PTK2B: variants seen among roughly 807,000 people sequenced by gnomAD.
The protein encoded by PTK2B is protein tyrosine kinase 2 beta, also known as protein-tyrosine kinase 2-beta.
In PTK2B, 71 loss-of-function variants were observed where a neutral mutation model predicts 142.9. The observed-to-expected ratio is 0.50, with a 90% confidence interval of 0.41 to 0.61. The LOEUF is 0.61. PTK2B is among the 20% of genes least tolerant of loss of function. PTK2B has a pLI of 0.00. For missense variants in PTK2B, 1,105 were observed against 1,320.4 expected (o/e 0.84, Z 2.53); for synonymous variants, 519 against 503.4 (o/e 1.03, Z -0.42).
At chr8:27,446,875 A>AT (rs563802539) in intron 24 of PTK2B, among the ~76,000 whole-genome samples, 169 of 152,316 alleles carry the variant, frequency 1.1e-3, no homozygotes, top group Non-Finnish European at 2.0e-3. Context: ...AGACACTAAG[A>AT]TTTTTTGTGA....
At position 27,443,125 on chromosome 8, in the gene PTK2B, C is replaced by T. The variant is rs1317051004; in HGVS notation, c.2148+142C>T. ...TTCACCCAGCATCCACCATCACTGT[C>T]AGCGTGTCACATCAGTGCCCTGGCA... On this transcript the variant is annotated intron_variant, in intron 22 of 30. Coordinates refer to ENST00000346049, the MANE Select transcript of PTK2B (RefSeq NM_173176.3). 5 of 615,288 alleles carry T rather than the reference C, an allele frequency of 8.1e-6. No individual in the cohort carries two copies. In the Admixed American group the frequency reaches 1.1e-4, roughly 14 times the overall value. 38.1% of individuals were successfully genotyped at this position (615,288 alleles called of 1,614,324 possible). A position where few individuals can be genotyped will look rare whatever the true frequency, so the allele number is the denominator to read the frequency against.
chr8:27,458,610 G>A lies in PTK2B; in HGVS notation c.*101G>A. 1.6e-6 allele frequency: 2 copies of A among 1,264,440 alleles called. No individual in the cohort carries two copies. The highest frequency in any genetic ancestry group is 1.1e-6 in the Non-Finnish European group (1 of 913,574). 78.3% of individuals were successfully genotyped at this position (1,264,440 alleles called of 1,614,324 possible). A position where few individuals can be genotyped will look rare whatever the true frequency, so the allele number is the denominator to read the frequency against. ...GTGGGTCTTCCAGGGGGAAGGCCAA[G>A]GGGAGTCACCTTCCCTTGCCACTTT... On this transcript the variant is annotated 3_prime_UTR_variant, in exon 31 of 31. Transcript: ENST00000346049.
Position 27,390,912 on chromosome 8 carries a change from A to T in PTK2B, c.-37-6636A>T, listed in dbSNP as rs558410535. On this transcript the variant is annotated intron_variant, in intron 1 of 30. Coordinates refer to ENST00000346049, the MANE Select transcript of PTK2B (RefSeq NM_173176.3). ...TCCATGGCAGAGACTCAAGGCTGCC[A>T]TGTTGTCACACTCACGTAATGGCCC... Among the ~76,000 whole-genome samples the T allele has an allele frequency of 2.6e-5, 4 of 152,250 alleles. No individual in the cohort carries two copies. The South Asian group carries it at 8.3e-4, about 32-fold the overall frequency.
intron 3 of PTK2B, among the ~76,000 whole-genome samples, chr8:27,315,899 A>G (rs1803084126): frequency 6.6e-6 from 1 of 152,152 alleles, no homozygotes. Context: ...AGTTCTGACC[A>G]ACTTAGATGC....
At chr8:27,319,410 A>G (rs1803160125) in intron 3 of PTK2B, among the ~76,000 whole-genome samples, 1 of 151,730 alleles carries the variant, frequency 6.6e-6, no homozygotes, top group Non-Finnish European at 1.5e-5. Context: ...TGGGAGGCCA[A>G]GGCGGGAGGA....
upstream of PTK2B, chr8:27,310,804 A>C: frequency 1.3e-6 from 2 of 1,583,802 alleles, no homozygotes; most frequent in East Asian, 2.3e-5. Context: ...CTCTTACCCG[A>C]AAGTCGTGGG....
upstream of PTK2B, chr8:27,311,381 C>T (rs1029210822): frequency 1.1e-5 from 11 of 1,025,556 alleles, no homozygotes; most frequent in South Asian, 1.7e-5. Context: ...GCCAATCGTG[C>T]GGGGGGGATG....
At chr8:27,413,487 A>G (rs1809195185) in intron 2 of PTK2B, among the ~76,000 whole-genome samples, 2 of 152,216 alleles carry the variant, frequency 1.3e-5, no homozygotes, top group Admixed American at 6.5e-5. Context: ...CCAAAAGAGT[A>G]CAGGCCTTTT....
intron 30 of PTK2B, among the ~76,000 whole-genome samples, chr8:27,455,510 CT>C (rs1451734766): frequency 6.6e-6 from 1 of 152,188 alleles, no homozygotes; most frequent in Non-Finnish European, 1.5e-5. Flanking sequence ...GGTCATACCA[CT>C]GCACTCCAGC....
At chr8:27,314,356 G>A (rs1000605815) in intron 3 of PTK2B, among the ~76,000 whole-genome samples, 3 of 152,194 alleles carry the variant, frequency 2.0e-5, no homozygotes, top group Non-Finnish European at 2.9e-5. Context: ...TTGGGAGGTC[G>A]AAGAAGGCCT....
intron 19 of PTK2B, 74 bp downstream of exon 19, chr8:27,439,205 C>T: frequency 6.4e-7 from 1 of 1,566,634 alleles, no homozygotes; most frequent in Non-Finnish European, 8.8e-7. Flanking sequence ...AGAAGGAAGT[C>T]TACAGTTGGA....
chr8:27,413,645 T>C (rs1809203998), intron 2 of PTK2B, among the ~76,000 whole-genome samples: 1 of 152,222 alleles, frequency 6.6e-6, no homozygotes, highest in Admixed American at 6.5e-5. Context: ...GCTTACCTGC[T>C]GCACCACTAG....
chr8:27,427,843 C>T (rs1810178039), intron 5 of PTK2B, among the ~76,000 whole-genome samples: 1 of 152,146 alleles, frequency 6.6e-6, no homozygotes, highest in Non-Finnish European at 1.5e-5. Flanking sequence ...TGTCCTATAC[C>T]TCAGAGGCCC....
chr8:27,418,198 A>T (rs74761062), intron 2 of PTK2B, among the ~76,000 whole-genome samples: 1,566 of 152,136 alleles, frequency 0.01, 37 homozygotes, highest in African/African-American at 0.035. Context: ...TTTCTTTCCT[A>T]ATGGGGAAGG....
chr8:27,369,703 G>C (rs1806227924), intron 1 of PTK2B, among the ~76,000 whole-genome samples: 1 of 148,412 alleles, frequency 6.7e-6, no homozygotes. Context: ...GGCTGAGTGT[G>C]GTAGCTCATG....
At chr8:27,349,147 T>G (rs1804892133) in intron 1 of PTK2B, among the ~76,000 whole-genome samples, 1 of 152,186 alleles carries the variant, frequency 6.6e-6, no homozygotes, top group Admixed American at 6.5e-5. Flanking sequence ...GTGACTTAAC[T>G]AAAGTTTCCA....
At chr8:27,342,133 G>A (rs919321226) in intron 1 of PTK2B, among the ~76,000 whole-genome samples, 3 of 152,240 alleles carry the variant, frequency 2.0e-5, no homozygotes, top group African/African-American at 7.2e-5. Flanking sequence ...TCCCCCACAG[G>A]GATGTACCCT....
At position 27,414,528 on chromosome 8, in the gene PTK2B, G is replaced by A. The variant is rs185572427; in HGVS notation, c.205-5367G>A. On this transcript the variant is annotated intron_variant, in intron 2 of 30. Transcript: ENST00000346049. ...CCCAAAGTGTTGGGATTACAGGCATGAGCCACCGCGCCTGGCCGGGCTGTC... is the reference window on the plus strand; with the variant it reads ...CCCAAAGTGTTGGGATTACAGGCATAAGCCACCGCGCCTGGCCGGGCTGTC... Among the ~76,000 whole-genome samples, 44 of 144,204 alleles carry A rather than the reference G, an allele frequency of 3.1e-4. 1 individual carries two copies. The East Asian group carries it at 8.6e-3, about 28-fold the overall frequency. The allele number at this position is 144,204 out of a possible 152,430, so 94.6% of individuals were successfully genotyped here. A position where few individuals can be genotyped will look rare whatever the true frequency, so the allele number is the denominator to read the frequency against.
intron 23 of PTK2B, 109 bp from the exon 24 acceptor site, chr8:27,445,685 T>G: frequency 1.3e-6 from 2 of 1,493,984 alleles, no homozygotes; most frequent in Non-Finnish European, 1.8e-6. Flanking sequence ...GCAAGCCCCA[T>G]TCCCTGTGGT....
Sources: gnomAD v4.1 joint callset for allele counts (sites outside exome capture counted in the v4.1 genomes callset) on GRCh38, gnomAD v4.1.1 for gene constraint, MANE v1.5 for transcripts, NCBI Gene and HGNC (gene_info 2026-07-23, HGNC 2026-07-21) for gene names.